THEMIS: variants seen among roughly 807,000 people sequenced by gnomAD.
THEMIS encodes protein THEMIS.
Under a neutral mutation model 52.6 loss-of-function variants are expected in THEMIS, and 37 were observed. The ratio of observed to expected loss-of-function variants is 0.70; its 90% CI spans 0.54 to 0.93. The LOEUF is 0.93. THEMIS is among the 40% of genes least tolerant of loss of function. THEMIS has a pLI of 0.00. For missense variants in THEMIS, 808 were observed against 763.1 expected (o/e 1.06, Z -0.69); for synonymous variants, 292 against 272.7 (o/e 1.07, Z -0.70).
chr6:127,783,373 G>A (rs1309995358), intron 4 of THEMIS, among the ~76,000 whole-genome samples: 2 of 152,124 alleles, frequency 1.3e-5, no homozygotes, highest in Non-Finnish European at 2.9e-5. Flanking sequence ...GGCAACAAAA[G>A]CCAAAATTGA....
chr6:127,813,826 T>C lies in THEMIS; in HGVS notation c.815A>G (p.Asp272Gly), dbSNP rs754236345. ...NWFLQLLSTE[D>G]LFEMTSKEFP... The stretch of plus-strand genomic sequence containing the variant: ...CTCTTTACTAGTCATTTCAAAAAGA[T>C]CTTCTGTTGATAACAGCTGAAGAAA... Residue 272 changes from aspartate to glycine, a missense_variant, in exon 4 of 6, where the codon GAT becomes GGT. Asp to Gly is a moderately conservative substitution (Grantham distance 94). Transcript: ENST00000368248. The C allele has an allele frequency of 9.9e-6, 16 of 1,613,932 alleles. No homozygotes were observed. Among genetic ancestry groups the C allele is most frequent in the Non-Finnish European group, 1.3e-5 (15 of 1,179,914 alleles).
intron 5 of THEMIS, among the ~76,000 whole-genome samples, chr6:127,712,784 T>C (rs2114459030): frequency 6.6e-6 from 1 of 152,058 alleles, no homozygotes. Flanking sequence ...ATTACATCTT[T>C]TTAATAATAA....
chr6:127,888,455 A>G (rs1281776629), intron 1 of THEMIS, among the ~76,000 whole-genome samples: 1 of 152,080 alleles, frequency 6.6e-6, no homozygotes, highest in African/African-American at 2.4e-5. Context: ...GGGGTTCCCT[A>G]TAAAGCATGG....
At chr6:127,733,228 A>G (rs1482242813) in intron 4 of THEMIS, among the ~76,000 whole-genome samples, 1 of 152,140 alleles carries the variant, frequency 6.6e-6, no homozygotes, top group Non-Finnish European at 1.5e-5. Context: ...ATTTCTTTAT[A>G]TATTCTGAAC....
intron 1 of THEMIS, among the ~76,000 whole-genome samples, chr6:127,861,783 C>CAAAAAAAAAAAAAAAAAAAAAAAAA (rs1225783673): frequency 7.3e-5 from 7 of 95,698 alleles, no homozygotes; most frequent in African/African-American, 1.5e-4. Flanking sequence ...GACTCCATCT[C>CAAAAAAAAAAAAAAAAAAAAAAAAA]AAAAAAAAAA....
intron 4 of THEMIS, among the ~76,000 whole-genome samples, chr6:127,721,753 C>T (rs1356163075): frequency 6.6e-6 from 1 of 151,944 alleles, no homozygotes; most frequent in African/African-American, 2.4e-5. Flanking sequence ...AACTACTTTC[C>T]TGATTCTGAA....
intron 4 of THEMIS, among the ~76,000 whole-genome samples, chr6:127,810,308 A>G (rs1459473115): frequency 6.6e-6 from 1 of 152,164 alleles, no homozygotes; most frequent in African/African-American, 2.4e-5. Flanking sequence ...ACTAGAGGCA[A>G]CCACACCTCA....
rs186337317 is a variant in THEMIS, at chr6:127,798,949, G to C, written c.1758+13934C>G. 8.3e-3 allele frequency among the ~76,000 whole-genome samples: 1,199 copies of C among 144,036 alleles called. 15 individuals carry two copies. Among genetic ancestry groups the C allele is most frequent in the African/African-American group, 0.029 (1,125 of 38,422 alleles). 94.5% of individuals were successfully genotyped at this position (144,036 alleles called of 152,430 possible). On this transcript the variant is annotated intron_variant, in intron 4 of 5. Coordinates refer to ENST00000368248, the MANE Select transcript of THEMIS (RefSeq NM_001010923.3). Reference sequence around the variant, plus strand: ...GGAGCTTGCAGTGAGCTGAGATTGTGCCACTGCAGTCCAGCCTGGGCGACA... The same window carrying C: ...GGAGCTTGCAGTGAGCTGAGATTGTCCCACTGCAGTCCAGCCTGGGCGACA...
At chr6:127,738,267 A>C (rs1343642945) in intron 4 of THEMIS, among the ~76,000 whole-genome samples, 1 of 152,208 alleles carries the variant, frequency 6.6e-6, no homozygotes, top group African/African-American at 2.4e-5. Context: ...ATCCACAGAG[A>C]ATCAGACTGT....
chr6:127,733,634 C>T (rs1774886144), intron 4 of THEMIS, among the ~76,000 whole-genome samples: 1 of 152,136 alleles, frequency 6.6e-6, no homozygotes, highest in South Asian at 2.1e-4. Flanking sequence ...AAGAAACAAC[C>T]AGACTTCAGG....
chr6:127,734,323 C>A (rs1774911638), intron 4 of THEMIS, among the ~76,000 whole-genome samples: 1 of 152,034 alleles, frequency 6.6e-6, no homozygotes, highest in African/African-American at 2.4e-5. Context: ...GAAGAATTTG[C>A]TGATTAAATC....
the THEMIS span, among the ~76,000 whole-genome samples, chr6:127,699,654 A>G: frequency 9.9e-5 from 15 of 151,978 alleles, no homozygotes; most frequent in Admixed American, 3.3e-4. Flanking sequence ...GATTTCAATC[A>G]ACTTGCAAAA....
intron 4 of THEMIS, among the ~76,000 whole-genome samples, chr6:127,774,264 G>A (rs1776482331): frequency 6.6e-6 from 1 of 152,184 alleles, no homozygotes; most frequent in Non-Finnish European, 1.5e-5. Flanking sequence ...GGAGTGCAGT[G>A]GCGCCATCTC....
chr6:127,718,066 TA>T (rs1389471410), intron 5 of THEMIS, among the ~76,000 whole-genome samples: 1 of 151,802 alleles, frequency 6.6e-6, no homozygotes, highest in Non-Finnish European at 1.5e-5. Flanking sequence ...ATGAAGAACA[TA>T]TACTATATTA....
chr6:127,826,597 A>G (rs906105980), intron 3 of THEMIS, among the ~76,000 whole-genome samples: 1 of 152,220 alleles, frequency 6.6e-6, no homozygotes, highest in Non-Finnish European at 1.5e-5. Context: ...ATCAATCTAT[A>G]TGTCAAAACA....
chr6:127,814,862 A>G (rs937265823), intron 3 of THEMIS, among the ~76,000 whole-genome samples: 1 of 152,186 alleles, frequency 6.6e-6, no homozygotes, highest in Non-Finnish European at 1.5e-5. Context: ...CTGAATTAAT[A>G]AACTTATGTA....
intron 1 of THEMIS, among the ~76,000 whole-genome samples, chr6:127,858,686 T>C (rs1225001768): frequency 2.0e-5 from 3 of 152,150 alleles, no homozygotes; most frequent in Non-Finnish European, 4.4e-5. Context: ...TATATCTGTG[T>C]ATATATAGAC....
At chr6:127,753,310 A>G (rs1775711080) in intron 4 of THEMIS, among the ~76,000 whole-genome samples, 1 of 152,056 alleles carries the variant, frequency 6.6e-6, no homozygotes, top group East Asian at 1.9e-4. Flanking sequence ...AATTCAGTAA[A>G]TACGTGGATA....
intron 2 of THEMIS, among the ~76,000 whole-genome samples, chr6:127,838,754 T>A (rs184853000): frequency 6.6e-6 from 1 of 152,238 alleles, no homozygotes; most frequent in Non-Finnish European, 1.5e-5. Flanking sequence ...TAAATAATTC[T>A]TCCTTTAAAC....
Sources: allele counts gnomAD v4.1 joint callset (sites outside exome capture counted in the v4.1 genomes callset), GRCh38; gene constraint gnomAD v4.1.1; transcripts MANE v1.5; gene names NCBI Gene and HGNC (gene_info 2026-07-23, HGNC 2026-07-21).